The following MYO18A variants were observed in gnomAD, a reference collection of about 807,000 sequenced individuals.
MYO18A encodes the protein unconventional myosin-XVIIIa.
In MYO18A, 78 loss-of-function variants were observed where a neutral mutation model predicts 235.8. The ratio of observed to expected loss-of-function variants is 0.33; its 90% CI spans 0.28 to 0.40. The LOEUF (loss-of-function observed/expected upper bound fraction) is 0.40. Among genes scored for constraint, MYO18A ranks in the 10% least tolerant of loss-of-function variants. The pLI, the probability that MYO18A is intolerant of heterozygous loss-of-function variation, is 1.00. For missense variants in MYO18A, 2,215 were observed against 2,699.3 expected, an observed-to-expected ratio of 0.82 and a Z score of 3.98; for synonymous variants, 977 against 1,077.8, an observed-to-expected ratio of 0.91 and a Z score of 1.83.
At chr17:29,115,177 C>T (rs946123669) in intron 13 of MYO18A, 78 bp from the exon 14 acceptor site, 3 of 1,490,852 alleles carry the variant, frequency 2.0e-6, no homozygotes, top group South Asian at 1.3e-5. Flanking sequence ...CCAAGCCAGA[C>T]CTCTATCCCT....
At chr17:29,114,586 G>T (rs866406965) in intron 14 of MYO18A, among the ~76,000 whole-genome samples, 1 of 152,210 alleles carries the variant, frequency 6.6e-6, no homozygotes, top group African/African-American at 2.4e-5. Context: ...AGACGGGAAG[G>T]CCAGGCCCAG....
intron 2 of MYO18A, among the ~76,000 whole-genome samples, chr17:29,155,701 A>G (rs538800318): frequency 1.8e-4 from 27 of 152,276 alleles, no homozygotes; most frequent in African/African-American, 6.3e-4. Flanking sequence ...AGGCCAGAGA[A>G]CCTGGGTCCA....
At chr17:29,091,831 C>T (rs2066405157) in intron 34 of MYO18A, 2 of 348,762 alleles carry the variant, frequency 5.7e-6, no homozygotes, top group South Asian at 4.2e-5. Context: ...GCTGCCTGTA[C>T]TGGCCGCATC....
At chr17:29,128,665 A>C in intron 2 of MYO18A, 1 of 754,912 alleles carries the variant, frequency 1.3e-6, no homozygotes. Context: ...TCATCTACCA[A>C]GCAACACATG....
intron 20 of MYO18A, among the ~76,000 whole-genome samples, chr17:29,104,000 T>C (rs1036299144): frequency 1.2e-4 from 19 of 152,106 alleles, no homozygotes; most frequent in Admixed American, 6.5e-5. Flanking sequence ...GGAGAGGGCA[T>C]TTCAGGCAGA....
Position 29,074,596 on chromosome 17 carries a change from T to G in MYO18A, c.*174A>C. The G allele has an allele frequency of 1.5e-6, 1 of 670,508 alleles. No individual in the cohort carries two copies. The highest frequency in any genetic ancestry group is 2.6e-6 in the Non-Finnish European group (1 of 387,334). The allele number at this position is 670,508 out of a possible 1,614,324, so 41.5% of individuals were successfully genotyped here. ...TCCTCTTTCCCCCACCTCTTCCACG[T>G]GGAGACATCAGACACCCATAGCCTG... On this transcript the variant is annotated 3_prime_UTR_variant, in exon 42 of 42. Coordinates refer to ENST00000527372, the MANE Select transcript of MYO18A (RefSeq NM_078471.4). This position sits in a 1 kb window ranked among gnomAD's most constrained non-coding sequence, Gnocchi z 4.4.
At position 29,110,528 on chromosome 17, in the gene MYO18A, G is replaced by C. The variant is rs2066903964; in HGVS notation, c.2995C>G (p.Leu999Val). The C allele has an allele frequency of 6.2e-7, 1 of 1,609,488 alleles. No homozygotes were observed. The change falls in exon 18 of 42, where the codon CTG becomes GTG. Residue 999 changes from leucine to valine, a missense_variant. Transcript: ENST00000527372. ...AGLEGGSQLA[L>V]RRATSMRKTF... ...TTCCGCATGCTGGTGGCCCGGCGCA[G>C]TGCCAGCTGCGAGCCGCCCTCCAGG...
At position 29,086,431 on chromosome 17, in the gene MYO18A, T is replaced by A. The variant is rs1185699025; in HGVS notation, c.5852+7A>T. On this transcript the variant is annotated splice_region_variant and intron_variant, in intron 39 of 41. Coordinates refer to ENST00000527372, the MANE Select transcript of MYO18A (RefSeq NM_078471.4). ...TAGCTGCAGATGCCCCAGAGGCCAC[T>A]TCTCACCTGTTGATGAGGTCCTCAT... The A allele has an allele frequency of 1.9e-6, 3 of 1,592,040 alleles. No homozygotes were observed. The highest frequency in any genetic ancestry group is 2.6e-6 in the Non-Finnish European group (3 of 1,168,920).
In MYO18A at chr17:29,110,190, A is replaced by C. The variant is rs2279959; in HGVS notation, c.3088-89T>G. The C allele has an allele frequency of 1.8e-5, 27 of 1,527,806 alleles. No homozygotes were observed. In the African/African-American group the frequency reaches 2.0e-4, roughly 12 times the overall value. 94.6% of individuals were successfully genotyped at this position (1,527,806 alleles called of 1,614,324 possible). A position where few individuals can be genotyped will look rare whatever the true frequency, so the allele number is the denominator to read the frequency against. ...TGGTGCCAGCGTCTCCACTGCTCACAGGGTAGCAGCGGCCCCAGCACCAGC... is the reference window on the plus strand; with the variant it reads ...TGGTGCCAGCGTCTCCACTGCTCACCGGGTAGCAGCGGCCCCAGCACCAGC... On this transcript the variant is annotated intron_variant, in intron 18 of 41. Transcript: ENST00000527372.
intron 2 of MYO18A, among the ~76,000 whole-genome samples, chr17:29,164,541 TCTGC>T (rs2068240371): frequency 6.6e-6 from 1 of 152,210 alleles, no homozygotes; most frequent in Non-Finnish European, 1.5e-5. Flanking sequence ...GGACCGGGAC[TCTGC>T]CTGTTTCCTC....
chr17:29,174,884 T>C (rs2068488830), intron 1 of MYO18A, among the ~76,000 whole-genome samples: 1 of 152,188 alleles, frequency 6.6e-6, no homozygotes, highest in Non-Finnish European at 1.5e-5. Flanking sequence ...AGTAGATTTG[T>C]ATACACTGAC....
chr17:29,139,554 G>A (rs959067616), intron 2 of MYO18A, among the ~76,000 whole-genome samples: 2 of 151,924 alleles, frequency 1.3e-5, no homozygotes, highest in East Asian at 1.9e-4. Context: ...ATGCACCTCC[G>A]CACCAGGCCA....
At chr17:29,132,217 TC>T (rs1467767951) in intron 2 of MYO18A, among the ~76,000 whole-genome samples, 1 of 151,316 alleles carries the variant, frequency 6.6e-6, no homozygotes, top group Non-Finnish European at 1.5e-5. Flanking sequence ...AGGAGTGGAG[TC>T]GTGGAAACAG....
intron 2 of MYO18A, among the ~76,000 whole-genome samples, chr17:29,146,457 A>G (rs908348616): frequency 1.3e-5 from 2 of 152,060 alleles, no homozygotes; most frequent in Non-Finnish European, 2.9e-5. Context: ...CCCACCACCC[A>G]TTCCTCCATC....
rs1257538898 is a variant in MYO18A at position 29,097,800 on chromosome 17, C to T, written c.4090G>A (p.Asp1364Asn). 1 of 1,612,330 alleles carries T rather than the reference C, an allele frequency of 6.2e-7. No individual in the cohort carries two copies. Among genetic ancestry groups the T allele is most frequent in the Non-Finnish European group, 8.5e-7 (1 of 1,179,056 alleles). Reference sequence around the variant, plus strand: ...GCCTCAGGCCCACCTGCATCATCATCATCCACTTCCCCGTTGATCTCCGCT... The same window carrying T: ...GCCTCAGGCCCACCTGCATCATCATTATCCACTTCCCCGTTGATCTCCGCT... ...RAAEINGEVD[D>N]DDAGGEWRLK... The change falls in exon 26 of 42, where the codon GAT (aspartate) becomes AAT (asparagine). Residue 1364 changes from aspartate to asparagine, a missense_variant. Transcript: ENST00000527372.
rs2067046674 is a variant in MYO18A at position 29,115,851 on chromosome 17, G to GA, written c.2051-12dup. ...ACTGCTTGCGCCCAGCTGTGGAGTG[G>GA]AAAAAGGGATCTGGCATCCTGGGTC... On this transcript the variant is annotated splice_polypyrimidine_tract_variant and intron_variant, in intron 11 of 41. Transcript: ENST00000527372. 1.9e-6 allele frequency: 3 copies of GA among 1,568,044 alleles called. No individual in the cohort carries two copies. The highest frequency in any genetic ancestry group is 2.6e-6 in the Non-Finnish European group (3 of 1,157,092).
rs374216715 is a variant in MYO18A, at chr17:29,120,966, A to C, written c.1585+32T>G. The C allele has an allele frequency of 2.2e-4, 350 of 1,592,234 alleles. No individual in the cohort carries two copies. Among genetic ancestry groups the C allele is most frequent in the Middle Eastern group, 2.1e-3 (10 of 4,780 alleles). On this transcript the variant is annotated intron_variant, in intron 6 of 41. Transcript: ENST00000527372. This position sits in a 1 kb window ranked among gnomAD's most constrained non-coding sequence, Gnocchi z 4.2. ...CTCCTCACTCCCCTCCCCTCACCCC[A>C]CTTTCAGTTTTCTCCCTTGTCCCTG... is the stretch of plus-strand genomic sequence containing the variant.
rs1455941230 is a variant in MYO18A, at chr17:29,094,047, G to C, written c.4754C>G (p.Thr1585Ser). 1 of 1,612,200 alleles carries C rather than the reference G, an allele frequency of 6.2e-7. No individual in the cohort carries two copies. Among genetic ancestry groups the C allele is most frequent in the Non-Finnish European group, 8.5e-7 (1 of 1,179,314 alleles). ...LEMEMERMRQ[T>S]HSKEMESRDE... ...CCGACTCTCCATCTCCTTAGAATGG[G>C]TCTGTCTCATCCGCTCCATCTCCAT... is the stretch of plus-strand genomic sequence containing the variant. Residue 1585 changes from threonine (T) to serine (S), a missense_variant, in exon 31 of 42, where the codon ACC becomes AGC. Physicochemically the swap from Thr to Ser is moderately conservative, Grantham distance 58. Coordinates refer to ENST00000527372, the MANE Select transcript of MYO18A (RefSeq NM_078471.4).
At position 29,086,554 on chromosome 17, in the gene MYO18A, C is replaced by T. The variant is rs2066258309; in HGVS notation, c.5736G>A (p.Glu1912=). Residue 1912 remains glutamate, a synonymous_variant, in exon 39 of 42, where the codon GAG becomes GAA. Coordinates refer to ENST00000527372, the MANE Select transcript of MYO18A (RefSeq NM_078471.4). ...HELEMDLESL[E]AANQSLQADL... is the part of the protein sequence containing the mutation. ...CAGCCTGCAGGCTCTGGTTAGCAGC[C>T]TCCAGGCTTTCTAGATCCATCTCCT... is the stretch of plus-strand genomic sequence containing the variant. 2 of 1,613,388 alleles carry T rather than the reference C, an allele frequency of 1.2e-6. No homozygotes were observed. Among genetic ancestry groups the T allele is most frequent in the East Asian group, 4.5e-5 (2 of 44,872 alleles).
Sources: allele counts gnomAD v4.1 joint callset (sites outside exome capture counted in the v4.1 genomes callset), GRCh38; gene constraint gnomAD v4.1.1; non-coding constraint Gnocchi (gnomAD v3.1); transcripts MANE v1.5; gene names NCBI Gene and HGNC (gene_info 2026-07-23, HGNC 2026-07-21).